The following ODAD2 variants were observed in gnomAD, a reference collection of about 807,000 sequenced individuals.
ODAD2 encodes outer dynein arm docking complex subunit 2, also known as outer dynein arm-docking complex subunit 2.
In ODAD2, 89 loss-of-function variants were observed where a neutral mutation model predicts 106.8. The observed-to-expected ratio is 0.83, with a 90% CI of 0.70 to 0.99. The LOEUF (loss-of-function observed/expected upper bound fraction) is 0.99, where lower values mean the gene tolerates loss of function less well. Ranked by LOEUF, ODAD2 falls within the 50% of genes least tolerant of loss-of-function variation. The probability of loss-of-function intolerance (pLI) is 0.00; values close to 1 mark genes in which losing one functional copy is unlikely to be tolerated. For synonymous variants in ODAD2, 404 were observed against 436.2 expected, an observed-to-expected ratio of 0.93 and a Z score of 0.92; for missense variants, 1,168 against 1,238.5, an observed-to-expected ratio of 0.94 and a Z score of 0.85.
intron 19 of ODAD2, among the ~76,000 whole-genome samples, chr10:27,836,817 G>A (rs1837928555): frequency 6.6e-6 from 1 of 152,108 alleles, no homozygotes; most frequent in Non-Finnish European, 1.5e-5. Flanking sequence ...TTAATCAATT[G>A]TTAATTTCAT....
chr10:27,984,200 A>G lies in ODAD2; in HGVS notation c.666T>C (p.Ser222=), dbSNP rs1849732469. The change falls in exon 5 of 20, where the codon TCT becomes TCC. Residue 222 remains serine (S), a synonymous_variant. Coordinates refer to ENST00000305242, the MANE Select transcript of ODAD2 (RefSeq NM_018076.5). The stretch of plus-strand genomic sequence containing the variant: ...ACATCAAACCTGAGGTATATTCAAT[A>G]GATTCCAAGACTGTTTGGTTTCCTT... ...SGKGNQTVLE[S]IEYTSDYEFS... The G allele has an allele frequency of 2.5e-6, 4 of 1,612,174 alleles. No individual in the cohort carries two copies. Among genetic ancestry groups the G allele is most frequent in the Non-Finnish European group, 1.7e-6 (2 of 1,178,530 alleles).
At chr10:27,817,824 G>A (rs533317740) in intron 19 of ODAD2, among the ~76,000 whole-genome samples, 36 of 152,174 alleles carry the variant, frequency 2.4e-4, no homozygotes, top group African/African-American at 6.7e-4. Flanking sequence ...TTTTGACACC[G>A]TGATTTCTTT....
At chr10:27,954,341 G>A (rs1847569229) in intron 10 of ODAD2, among the ~76,000 whole-genome samples, 1 of 152,158 alleles carries the variant, frequency 6.6e-6, no homozygotes, top group Admixed American at 6.5e-5. Flanking sequence ...AATACATGGG[G>A]CAAGAAATTC....
chr10:27,851,616 A>G (rs915993601), intron 19 of ODAD2, among the ~76,000 whole-genome samples: 4 of 152,254 alleles, frequency 2.6e-5, no homozygotes, highest in Admixed American at 2.0e-4. Context: ...GACAAAGAAA[A>G]AAATCCTAAT....
At chr10:27,991,912 G>A (rs1234353471) in intron 2 of ODAD2, among the ~76,000 whole-genome samples, 1 of 152,180 alleles carries the variant, frequency 6.6e-6, no homozygotes, top group Non-Finnish European at 1.5e-5. Flanking sequence ...CCAGAAGAGT[G>A]TGCTTGGTCC....
At chr10:27,865,890 G>A (rs1342926405) in intron 17 of ODAD2, among the ~76,000 whole-genome samples, 2 of 152,176 alleles carry the variant, frequency 1.3e-5, no homozygotes, top group East Asian at 1.9e-4. Flanking sequence ...TGAGAGAAGT[G>A]ACAGCAGCAA....
chr10:27,998,047 C>T (rs1162659462), intron 1 of ODAD2, among the ~76,000 whole-genome samples: 1 of 152,190 alleles, frequency 6.6e-6, no homozygotes, highest in East Asian at 1.9e-4. Context: ...CAATTTCAAG[C>T]TTCCAGCATC....
intron 17 of ODAD2, among the ~76,000 whole-genome samples, chr10:27,900,018 G>A (rs1306012824): frequency 6.6e-6 from 1 of 152,154 alleles, no homozygotes. Context: ...CCTCCTGACT[G>A]GGAGACACCT....
upstream of ODAD2, chr10:27,999,106 T>G (rs960441974): frequency 6.6e-6 from 1 of 152,578 alleles, no homozygotes; most frequent in Non-Finnish European, 1.5e-5. Context: ...GGCCACCTGC[T>G]GCTTTCCGCT....
At chr10:27,833,949 G>A (rs1365792970) in intron 19 of ODAD2, among the ~76,000 whole-genome samples, 2 of 152,226 alleles carry the variant, frequency 1.3e-5, no homozygotes, top group African/African-American at 2.4e-5. Context: ...ATTCCAAGCC[G>A]AGAAAGGACA....
rs763367784 is a variant in ODAD2 at position 27,862,460 on chromosome 10, GAAC to G, written c.2770_2772del (p.Val924del). 3.1e-6 allele frequency: 5 copies of G among 1,609,328 alleles called. No homozygotes were observed. The highest frequency in any genetic ancestry group is 4.2e-6 in the Non-Finnish European group (5 of 1,178,186). ...GTATTTGCCAGTTTGGACAATAAAG[GAAC>G]AACTCCATGATCTGTGATAACAGCT... On this transcript the variant is annotated inframe_deletion, in exon 18 of 20. Coordinates refer to ENST00000305242, the MANE Select transcript of ODAD2 (RefSeq NM_018076.5).
At chr10:27,924,048 G>GAGAAAGAAAGAA (rs373693559) in intron 16 of ODAD2, among the ~76,000 whole-genome samples, 1,610 of 126,908 alleles carry the variant, frequency 0.013, 156 homozygotes, top group African/African-American at 0.05. Context: ...AAGAAGGAAA[G>GAGAAAGAAAGAA]AGAAAGAAAG....
At chr10:27,862,127 G>A (rs1297080584) in intron 18 of ODAD2, among the ~76,000 whole-genome samples, 1 of 152,134 alleles carries the variant, frequency 6.6e-6, no homozygotes. Context: ...CCATGATGGT[G>A]GCGGTGAAGA....
chr10:27,980,016 G>C lies in ODAD2; in HGVS notation c.936+1450C>G, dbSNP rs1849446360. ...ATGGAATAGAATTAAAAGTCCCCAAGTAAACTCTTCCATCTATGATCAATT... is the reference window on the plus strand; with the variant it reads ...ATGGAATAGAATTAAAAGTCCCCAACTAAACTCTTCCATCTATGATCAATT... On this transcript the variant is annotated intron_variant, in intron 7 of 19. Transcript: ENST00000305242. Among the ~76,000 whole-genome samples, 4 of 152,274 alleles carry C rather than the reference G, an allele frequency of 2.6e-5. 1 individual carries two copies. In the South Asian group the frequency reaches 8.3e-4, roughly 32 times the overall value.
intron 3 of ODAD2, 59 bp downstream of exon 3, chr10:27,987,327 A>C: frequency 6.6e-7 from 1 of 1,522,018 alleles, no homozygotes; most frequent in Non-Finnish European, 9.0e-7. Context: ...CCCTTTCCCC[A>C]CTTTCCCAGC....
chr10:27,989,518 C>T (rs925915637), intron 2 of ODAD2, among the ~76,000 whole-genome samples: 13 of 152,148 alleles, frequency 8.5e-5, no homozygotes, highest in African/African-American at 1.9e-4. Context: ...GGCCACCACA[C>T]GAAGTGGATG....
chr10:27,818,902 G>T (rs1477151716), intron 19 of ODAD2, among the ~76,000 whole-genome samples: 1 of 152,108 alleles, frequency 6.6e-6, no homozygotes, highest in Non-Finnish European at 1.5e-5. Context: ...ATAGTCAAGG[G>T]TATGGGTTTT....
chr10:27,888,853 G>A (rs74127139), intron 17 of ODAD2, among the ~76,000 whole-genome samples: 4,339 of 152,256 alleles, frequency 0.028, 218 homozygotes, highest in African/African-American at 0.098. Flanking sequence ...GGTGTTGGAT[G>A]TTCACATGCA....
At position 27,939,996 on chromosome 10, in the gene ODAD2, C is replaced by T. The variant is rs1564526439; in HGVS notation, c.1998G>A (p.Arg666=). Reference sequence around the variant, plus strand: ...TGATCCTTTCTGCTTTGATTGCAGCCCGGTAGTTTTCCTAGGAATAAAAAC... The same window carrying T: ...TGATCCTTTCTGCTTTGATTGCAGCTCGGTAGTTTTCCTAGGAATAAAAAC... ...LQECASEENY[R]AAIKAERIIE... The change falls in exon 14 of 20, where the codon CGG becomes CGA. Residue 666 remains arginine (R), a synonymous_variant. Transcript: ENST00000305242. 1 of 1,604,300 alleles carries T rather than the reference C, an allele frequency of 6.2e-7. No homozygotes were observed. The highest frequency in any genetic ancestry group is 1.7e-5 in the Admixed American group (1 of 58,354).
Sources: gnomAD v4.1 joint callset for allele counts (sites outside exome capture counted in the v4.1 genomes callset) on GRCh38, gnomAD v4.1.1 for gene constraint, MANE v1.5 for transcripts, NCBI Gene and HGNC (gene_info 2026-07-23, HGNC 2026-07-21) for gene names.